Variants in GRIK2 observed in about 807,000 individuals in gnomAD.
GRIK2 encodes the protein glutamate receptor ionotropic, kainate 2.
Under a neutral mutation model 100.3 loss-of-function variants are expected in GRIK2, and 32 were observed. That is an observed-to-expected ratio of 0.32 (90% CI 0.24 to 0.43). GRIK2 has a LOEUF of 0.43. GRIK2 is among the 20% of genes least tolerant of loss of function. GRIK2 has a pLI of 1.00. For synonymous variants in GRIK2, 417 were observed against 389.4 expected (o/e 1.07, Z -0.83); for missense variants, 843 against 1,114.9 (o/e 0.76, Z 3.47).
chr6:101,774,866 C>T (rs998750703), intron 7 of GRIK2, among the ~76,000 whole-genome samples: 1 of 147,574 alleles, frequency 6.8e-6, no homozygotes, highest in African/African-American at 2.6e-5. Context: ...ATATATATAT[C>T]AGAAAGAAAA....
intron 10 of GRIK2, among the ~76,000 whole-genome samples, chr6:101,827,553 A>G (rs1412641385): frequency 6.6e-6 from 1 of 151,924 alleles, no homozygotes; most frequent in Non-Finnish European, 1.5e-5. Context: ...AATGACACCC[A>G]TAGACTCAAA....
In GRIK2 at chr6:101,724,392, A is replaced by G. The variant is rs138698849; in HGVS notation, c.951+38039A>G. Among the ~76,000 whole-genome samples, 268 of 151,756 alleles carry G rather than the reference A, an allele frequency of 1.8e-3. 1 individual carries two copies. The highest frequency in any genetic ancestry group is 2.8e-3 in the Non-Finnish European group (190 of 67,878). On this transcript the variant is annotated intron_variant, in intron 7 of 16. Coordinates refer to ENST00000369134, the MANE Select transcript of GRIK2 (RefSeq NM_021956.5). ...TCCTGTATCGATCGTGCCCATTTTT[A>G]TGCCCACGTGTACCCAATGCTTAAC...
chr6:102,048,293 A>C (rs1771003212), intron 15 of GRIK2, among the ~76,000 whole-genome samples: 1 of 151,992 alleles, frequency 6.6e-6, no homozygotes, highest in African/African-American at 2.4e-5. Flanking sequence ...TACAACATTG[A>C]GTTGGGCAAT....
chr6:101,960,055 T>TTTG (rs953799319), intron 14 of GRIK2, among the ~76,000 whole-genome samples: 2 of 146,400 alleles, frequency 1.4e-5, no homozygotes, highest in African/African-American at 5.0e-5. Flanking sequence ...AGTGTTTTGT[T>TTTG]TTTTTTTTTT....
At chr6:101,686,491 G>A (rs1771710628) in intron 7 of GRIK2, 138 bp downstream of exon 7, 1 of 591,478 alleles carries the variant, frequency 1.7e-6, no homozygotes, top group Admixed American at 3.0e-5. Flanking sequence ...GAGCTACAAT[G>A]CAAATACTTG....
chr6:102,016,563 C>A (rs1182427615), intron 14 of GRIK2, among the ~76,000 whole-genome samples: 8 of 146,920 alleles, frequency 5.4e-5, no homozygotes, highest in South Asian at 4.3e-4. Context: ...TAAAAAAATT[C>A]AAAAAAAATT....
chr6:101,458,718 G>T (rs558398158), intron 2 of GRIK2, among the ~76,000 whole-genome samples: 1 of 152,104 alleles, frequency 6.6e-6, no homozygotes. Context: ...CAGCAAGAAG[G>T]GGGTACATTG....
chr6:101,931,350 A>G (rs114808731), intron 14 of GRIK2, among the ~76,000 whole-genome samples: 1,729 of 152,224 alleles, frequency 0.011, 36 homozygotes, highest in African/African-American at 0.04. Flanking sequence ...CATCCCTAAG[A>G]CATTGACTTC....
intron 7 of GRIK2, among the ~76,000 whole-genome samples, chr6:101,721,502 A>T (rs1252664953): frequency 1.3e-5 from 2 of 151,934 alleles, no homozygotes; most frequent in African/African-American, 4.8e-5. Flanking sequence ...AGAGGCTACA[A>T]TGAGCCATGA....
intron 7 of GRIK2, among the ~76,000 whole-genome samples, chr6:101,728,542 G>A (rs920156873): frequency 3.9e-5 from 6 of 151,910 alleles, no homozygotes; most frequent in Non-Finnish European, 8.8e-5. Flanking sequence ...TGAAAGCATG[G>A]GCTCTAAAGA....
intron 2 of GRIK2, among the ~76,000 whole-genome samples, chr6:101,418,909 C>G (rs889386929): frequency 6.6e-6 from 1 of 152,036 alleles, no homozygotes; most frequent in African/African-American, 2.4e-5. Flanking sequence ...TATGACATGG[C>G]GAGAGGATGG....
At chr6:101,701,720 G>A (rs1318175575) in intron 7 of GRIK2, among the ~76,000 whole-genome samples, 2 of 151,706 alleles carry the variant, frequency 1.3e-5, no homozygotes, top group Non-Finnish European at 2.9e-5. Context: ...AAAATCTCAA[G>A]GTAAATATAG....
intron 6 of GRIK2, among the ~76,000 whole-genome samples, chr6:101,685,498 A>G (rs1397537833): frequency 6.6e-6 from 1 of 152,168 alleles, no homozygotes; most frequent in South Asian, 2.1e-4. Context: ...ATCCATTTCC[A>G]TGATAGCTTT....
rs540582958 is a variant in GRIK2, at chr6:101,998,556, C to G, written c.2086-36785C>G. Among the ~76,000 whole-genome samples, 8 of 152,012 alleles carry G rather than the reference C, an allele frequency of 5.3e-5. No individual in the cohort carries two copies. The South Asian group carries it at 1.7e-3, about 32-fold the overall frequency. ...TTAGGAAATATTTGCCATATTCAAACCCACAACAATTTCCTGCTATATTTT... is the reference window on the plus strand; with the variant it reads ...TTAGGAAATATTTGCCATATTCAAAGCCACAACAATTTCCTGCTATATTTT... On this transcript the variant is annotated intron_variant, in intron 14 of 16. Transcript: ENST00000369134.
chr6:101,546,461 G>T (rs1562216094), intron 2 of GRIK2, among the ~76,000 whole-genome samples: 1 of 152,026 alleles, frequency 6.6e-6, no homozygotes, highest in Admixed American at 6.5e-5. Context: ...TTCATATATT[G>T]AGGGCATTGT....
intron 2 of GRIK2, among the ~76,000 whole-genome samples, chr6:101,506,661 G>T (rs1774040323): frequency 6.6e-6 from 1 of 152,016 alleles, no homozygotes; most frequent in Non-Finnish European, 1.5e-5. Context: ...GTCGAACTTT[G>T]CTTTCTAATT....
chr6:101,662,471 G>T (rs1769700533), intron 4 of GRIK2, among the ~76,000 whole-genome samples: 1 of 152,044 alleles, frequency 6.6e-6, no homozygotes, highest in Non-Finnish European at 1.5e-5. Context: ...TTAACTGATT[G>T]CAACTATGAA....
chr6:101,422,308 C>T (rs1776449134), intron 2 of GRIK2, among the ~76,000 whole-genome samples: 1 of 152,122 alleles, frequency 6.6e-6, no homozygotes, highest in South Asian at 2.1e-4. Context: ...GTATTATTTA[C>T]TTGAATTTAG....
chr6:102,007,050 G>T, intron 14 of GRIK2, among the ~76,000 whole-genome samples: 1 of 152,166 alleles, frequency 6.6e-6, no homozygotes, highest in East Asian at 1.9e-4. Flanking sequence ...AAGCTAGATT[G>T]GGTGTTGTGC....
Sources: allele counts gnomAD v4.1 joint callset (sites outside exome capture counted in the v4.1 genomes callset), GRCh38; gene constraint gnomAD v4.1.1; transcripts MANE v1.5; gene names NCBI Gene and HGNC (gene_info 2026-07-23, HGNC 2026-07-21).